WDR72: variants seen among roughly 807,000 people sequenced by gnomAD.
The protein encoded by WDR72 is WD repeat-containing protein 72.
WDR72 carries 120 observed loss-of-function variants against 124.2 expected under a neutral mutation model. That is an observed-to-expected ratio of 0.97 (90% CI 0.83 to 1.12). WDR72 has a LOEUF of 1.12. Among genes scored for constraint, WDR72 ranks in the 50% most tolerant of loss-of-function variants. WDR72 has a pLI of 0.00. For missense variants in WDR72, 1,387 were observed against 1,278.8 expected, an observed-to-expected ratio of 1.08 and a Z score of -1.29; for synonymous variants, 452 against 441.7, an observed-to-expected ratio of 1.02 and a Z score of -0.29.
intron 16 of WDR72, among the ~76,000 whole-genome samples, chr15:53,611,124 A>G (rs1373396377): frequency 6.6e-6 from 1 of 152,162 alleles, no homozygotes; most frequent in Non-Finnish European, 1.5e-5. Context: ...ACAGAAGTGA[A>G]TACTGGTTCC....
intron 14 of WDR72, among the ~76,000 whole-genome samples, chr15:53,639,449 C>T (rs909017714): frequency 9.5e-6 from 1 of 105,604 alleles, no homozygotes; most frequent in East Asian, 3.3e-4. Context: ...CTCGTCTCTA[C>T]AGATAATTAA....
At chr15:53,549,794 T>G (rs1194690129) in intron 18 of WDR72, among the ~76,000 whole-genome samples, 7 of 152,192 alleles carry the variant, frequency 4.6e-5, no homozygotes, top group African/African-American at 1.7e-4. Flanking sequence ...GGTTTTACAA[T>G]AGATCAAAGG....
At chr15:53,709,484 T>C (rs772868225) in intron 9 of WDR72, among the ~76,000 whole-genome samples, 2 of 152,194 alleles carry the variant, frequency 1.3e-5, no homozygotes, top group Non-Finnish European at 2.9e-5. Context: ...TGGTTATACA[T>C]AACATTGAAA....
chr15:53,613,303 A>G (rs1162532551), intron 16 of WDR72, among the ~76,000 whole-genome samples: 1 of 152,140 alleles, frequency 6.6e-6, no homozygotes, highest in African/African-American at 2.4e-5. Flanking sequence ...AATACTTAAC[A>G]TATAAGTATT....
At chr15:53,747,557 C>G (rs1478016566) in intron 1 of WDR72, among the ~76,000 whole-genome samples, 3 of 152,170 alleles carry the variant, frequency 2.0e-5, no homozygotes, top group Non-Finnish European at 4.4e-5. Flanking sequence ...CACTCATGAC[C>G]TGGAACACAT....
At position 53,716,666 on chromosome 15, in the gene WDR72, C is replaced by T. The variant is rs1459846533; in HGVS notation, c.280G>A (p.Val94Ile). Residue 94 changes from valine (V) to isoleucine (I), a missense_variant, in exon 4 of 20, where the codon GTC (valine) becomes ATC (isoleucine). Physicochemically the swap from Val to Ile is conservative, Grantham distance 29. Transcript: ENST00000360509. ...TTCTCCATGCACTGTCCATTGGTGA[C>T]ATTCCAAACACACATCTCCCTAGCA... ...AENGEMCVWN[V>I]TNGQCMEKAT... 2 of 1,605,090 alleles carry T rather than the reference C, an allele frequency of 1.2e-6. No homozygotes were observed. The highest frequency in any genetic ancestry group is 8.5e-7 in the Non-Finnish European group (1 of 1,173,594).
At chr15:53,741,322 T>G (rs1210558809) in intron 1 of WDR72, among the ~76,000 whole-genome samples, 1 of 152,136 alleles carries the variant, frequency 6.6e-6, no homozygotes, top group Non-Finnish European at 1.5e-5. Context: ...CACAACCAAA[T>G]TAGAAAACAA....
intron 14 of WDR72, among the ~76,000 whole-genome samples, chr15:53,639,224 C>G (rs2014740691): frequency 6.6e-6 from 1 of 152,084 alleles, no homozygotes; most frequent in Non-Finnish European, 1.5e-5. Flanking sequence ...CTCTACTCAT[C>G]AAAAGTATCT....
At chr15:53,519,235 G>A (rs1296864144) in intron 19 of WDR72, among the ~76,000 whole-genome samples, 1 of 152,022 alleles carries the variant, frequency 6.6e-6, no homozygotes, top group African/African-American at 2.4e-5. Flanking sequence ...AAATTATTCT[G>A]AAGAATGAAA....
intron 1 of WDR72, among the ~76,000 whole-genome samples, chr15:53,749,453 T>C (rs1278554774): frequency 3.3e-5 from 5 of 152,148 alleles, no homozygotes; most frequent in Non-Finnish European, 7.4e-5. Flanking sequence ...TTCCACCAAC[T>C]GGCCATTCCC....
rs1567048948 is a variant in WDR72, at chr15:53,722,801, C to T, written c.260+1G>A. The stretch of plus-strand genomic sequence containing the variant: ...GGACAAAGTTTACATACCATACCTA[C>T]CCATTTTCAGCAGCACTAACAATGT... On this transcript the variant is annotated splice_donor_variant, in intron 3 of 19. Transcript: ENST00000360509. LOFTEE classifies it high-confidence loss of function. 3 of 1,612,738 alleles carry T rather than the reference C, an allele frequency of 1.9e-6. No homozygotes were observed. Among genetic ancestry groups the T allele is most frequent in the Non-Finnish European group, 2.5e-6 (3 of 1,179,296 alleles).
At chr15:53,622,913 C>A (rs78653555) in intron 14 of WDR72, among the ~76,000 whole-genome samples, 9,041 of 152,130 alleles carry the variant, frequency 0.059, 328 homozygotes, top group South Asian at 0.093. Flanking sequence ...TCAAATTAAA[C>A]TTAAAAGCAT....
At chr15:53,629,002 C>T (rs560745923) in intron 14 of WDR72, among the ~76,000 whole-genome samples, 11 of 152,130 alleles carry the variant, frequency 7.2e-5, no homozygotes, top group East Asian at 1.9e-4. Flanking sequence ...AGGCCATTGG[C>T]GGGTGGACAA....
intron 18 of WDR72, among the ~76,000 whole-genome samples, chr15:53,553,566 G>GT (rs1893820685): frequency 6.6e-6 from 1 of 152,098 alleles, no homozygotes. Flanking sequence ...ATTGGTCAAG[G>GT]TATTTCTTCC....
chr15:53,581,986 G>T (rs2140318759), intron 18 of WDR72, among the ~76,000 whole-genome samples: 1 of 152,038 alleles, frequency 6.6e-6, no homozygotes, highest in East Asian at 1.9e-4. Flanking sequence ...AGGAGGACAG[G>T]GAAAGTGAGA....
chr15:53,578,256 C>T (rs1187199755), intron 18 of WDR72, among the ~76,000 whole-genome samples: 1 of 152,072 alleles, frequency 6.6e-6, no homozygotes, highest in African/African-American at 2.4e-5. Context: ...GATGAAAACA[C>T]AGGGTGGTCA....
intron 19 of WDR72, among the ~76,000 whole-genome samples, chr15:53,521,208 G>A (rs1233607082): frequency 6.6e-6 from 1 of 152,088 alleles, no homozygotes; most frequent in Non-Finnish European, 1.5e-5. Context: ...TTAGCTAAGT[G>A]TTTGCTATGA....
At chr15:53,672,227 A>G (rs957991025) in intron 13 of WDR72, among the ~76,000 whole-genome samples, 1 of 150,522 alleles carries the variant, frequency 6.6e-6, no homozygotes, top group Admixed American at 6.6e-5. Context: ...CCAAATAGAC[A>G]GCATGTGGAG....
At chr15:53,648,528 AAAC>A (rs1456195936) in intron 14 of WDR72, among the ~76,000 whole-genome samples, 1 of 152,152 alleles carries the variant, frequency 6.6e-6, no homozygotes, top group Admixed American at 6.6e-5. Flanking sequence ...TCTGAAGGAA[AAAC>A]AACTTAGCCA....
Sources: allele counts gnomAD v4.1 joint callset (sites outside exome capture counted in the v4.1 genomes callset), GRCh38; gene constraint gnomAD v4.1.1; transcripts MANE v1.5; gene names NCBI Gene and HGNC (gene_info 2026-07-23, HGNC 2026-07-21).